ZNF804B: variants seen among roughly 807,000 people sequenced by gnomAD.
ZNF804B encodes zinc finger 804B.
Under a neutral mutation model 101.4 loss-of-function variants are expected in ZNF804B, and 80 were observed. That is an observed-to-expected ratio of 0.79 (90% CI 0.66 to 0.95). The LOEUF (loss-of-function observed/expected upper bound fraction) is 0.95, where lower values mean the gene tolerates loss of function less well. ZNF804B is among the 40% of genes least tolerant of loss of function. ZNF804B has a pLI of 0.00. For synonymous variants in ZNF804B, 622 were observed against 558.8 expected, an observed-to-expected ratio of 1.11 and a Z score of -1.59; for missense variants, 1,673 against 1,561.9, an observed-to-expected ratio of 1.07 and a Z score of -1.20.
intron 1 of ZNF804B, among the ~76,000 whole-genome samples, chr7:89,173,288 A>G (rs1791266934): frequency 6.6e-6 from 1 of 152,046 alleles, no homozygotes; most frequent in Admixed American, 6.6e-5. Context: ...TAATTGTTAT[A>G]GAGGTAGCTG....
chr7:88,803,418 C>T (rs1250897452), intron 1 of ZNF804B, among the ~76,000 whole-genome samples: 1 of 152,096 alleles, frequency 6.6e-6, no homozygotes, highest in East Asian at 1.9e-4. Flanking sequence ...GAATTTTAGT[C>T]CAGACACCTT....
intron 2 of ZNF804B, among the ~76,000 whole-genome samples, chr7:89,260,691 C>T: frequency 6.6e-6 from 1 of 151,906 alleles, no homozygotes; most frequent in East Asian, 1.9e-4. Context: ...ACAAGTATTT[C>T]ACAAAAACAG....
chr7:89,309,527 C>T (rs1389852455), intron 2 of ZNF804B, among the ~76,000 whole-genome samples: 1 of 151,772 alleles, frequency 6.6e-6, no homozygotes, highest in Admixed American at 6.6e-5. Context: ...TTTGGGAAGC[C>T]AAAGCAGGCA....
intron 1 of ZNF804B, among the ~76,000 whole-genome samples, chr7:89,199,384 A>T (rs566322760): frequency 2.4e-4 from 36 of 152,084 alleles, no homozygotes; most frequent in African/African-American, 8.7e-4. Context: ...TTCAAATCTA[A>T]TGTCATGTTT....
chr7:89,101,101 A>G (rs1332530102), intron 1 of ZNF804B, among the ~76,000 whole-genome samples: 3 of 152,094 alleles, frequency 2.0e-5, no homozygotes, highest in Non-Finnish European at 4.4e-5. Flanking sequence ...AAGCAATGCA[A>G]TTTCAAAAGA....
intron 1 of ZNF804B, among the ~76,000 whole-genome samples, chr7:88,941,065 A>G (rs76066053): frequency 0.096 from 14,659 of 152,008 alleles, 902 homozygotes; most frequent in South Asian, 0.17. Flanking sequence ...AAAATAACTA[A>G]CAGCTATTTA....
chr7:89,306,754 A>G (rs947234654), intron 2 of ZNF804B, among the ~76,000 whole-genome samples: 2 of 152,126 alleles, frequency 1.3e-5, no homozygotes, highest in African/African-American at 2.4e-5. Flanking sequence ...AGAAATGGTT[A>G]TAACTTGTAT....
At chr7:89,324,677 GTCC>G (rs1210679313) in intron 2 of ZNF804B, among the ~76,000 whole-genome samples, 1 of 65,034 alleles carries the variant, frequency 1.5e-5, no homozygotes, top group East Asian at 4.1e-4. Context: ...CTCCTTTGTT[GTCC>G]TCCTGGCTAA....
intron 1 of ZNF804B, among the ~76,000 whole-genome samples, chr7:89,195,030 T>A (rs1788524360): frequency 6.6e-6 from 1 of 151,820 alleles, no homozygotes; most frequent in South Asian, 2.1e-4. Flanking sequence ...CAAGGCTGGT[T>A]CAATATATGC....
At chr7:89,025,467 T>C (rs1373105717) in intron 1 of ZNF804B, among the ~76,000 whole-genome samples, 1 of 152,148 alleles carries the variant, frequency 6.6e-6, no homozygotes, top group Non-Finnish European at 1.5e-5. Flanking sequence ...TCCATATGTT[T>C]AATGTTTCAA....
chr7:89,032,918 A>G (rs1788860966), intron 1 of ZNF804B, among the ~76,000 whole-genome samples: 1 of 152,076 alleles, frequency 6.6e-6, no homozygotes, highest in Non-Finnish European at 1.5e-5. Context: ...TAGCATATTC[A>G]TTACCTCAAA....
At chr7:89,056,968 C>T (rs1410806642) in intron 1 of ZNF804B, among the ~76,000 whole-genome samples, 6 of 151,936 alleles carry the variant, frequency 3.9e-5, no homozygotes, top group Admixed American at 2.0e-4. Flanking sequence ...GTGTGAAGAT[C>T]GTTGATTGGT....
chr7:89,233,318 C>T (rs1290121584), intron 2 of ZNF804B, among the ~76,000 whole-genome samples: 1 of 152,174 alleles, frequency 6.6e-6, no homozygotes, highest in African/African-American at 2.4e-5. Context: ...TAAAGTAATT[C>T]TATGGGGAAC....
chr7:88,787,537 G>T (rs1790320514), intron 1 of ZNF804B, among the ~76,000 whole-genome samples: 1 of 152,138 alleles, frequency 6.6e-6, no homozygotes, highest in Non-Finnish European at 1.5e-5. Context: ...TTTTGTTGCA[G>T]TGAATTTAAC....
chr7:89,069,491 A>C (rs183980835), intron 1 of ZNF804B, among the ~76,000 whole-genome samples: 2 of 150,932 alleles, frequency 1.3e-5, no homozygotes, highest in East Asian at 3.9e-4. Flanking sequence ...TATTTGATTC[A>C]TTCCTTTAAT....
intron 1 of ZNF804B, among the ~76,000 whole-genome samples, chr7:89,096,028 G>C (rs1163879056): frequency 6.6e-6 from 1 of 151,932 alleles, no homozygotes; most frequent in Non-Finnish European, 1.5e-5. Flanking sequence ...GGTGGCGGGT[G>C]CCTGTAGTCC....
At chr7:89,031,819 T>G (rs1410235123) in intron 1 of ZNF804B, among the ~76,000 whole-genome samples, 6 of 152,142 alleles carry the variant, frequency 3.9e-5, no homozygotes, top group Non-Finnish European at 8.8e-5. Flanking sequence ...CATTTCATGT[T>G]GAAAGTGAAT....
intron 1 of ZNF804B, among the ~76,000 whole-genome samples, chr7:89,162,021 C>G (rs991552123): frequency 6.6e-6 from 1 of 152,054 alleles, no homozygotes; most frequent in Non-Finnish European, 1.5e-5. Flanking sequence ...TAGGATTTGT[C>G]ATATGATATG....
Position 88,846,312 on chromosome 7 carries a change from T to C in ZNF804B, c.108+86228T>C, listed in dbSNP as rs143263375. Among the ~76,000 whole-genome samples, 605 of 152,132 alleles carry C rather than the reference T, an allele frequency of 4.0e-3. 3 individuals are homozygous for C. The highest frequency in any genetic ancestry group is 0.014 in the African/African-American group (580 of 41,500). ...CTTATTGAACTGAGTAGAAAAAAAC[T>C]ATGTGCCAAAAAAGAATATTCATGA... On this transcript the variant is annotated intron_variant, in intron 1 of 3. Coordinates refer to ENST00000333190, the MANE Select transcript of ZNF804B (RefSeq NM_181646.5).
Sources: allele counts gnomAD v4.1 joint callset (sites outside exome capture counted in the v4.1 genomes callset), GRCh38; gene constraint gnomAD v4.1.1; transcripts MANE v1.5; gene names NCBI Gene and HGNC (gene_info 2026-07-23, HGNC 2026-07-21).